SI: variants seen among roughly 807,000 people sequenced by gnomAD.
SI encodes the protein sucrase-isomaltase.
SI carries 235 observed loss-of-function variants against 253.3 expected under a neutral mutation model. The observed-to-expected ratio is 0.93, with a 90% CI of 0.83 to 1.03. The LOEUF is 1.03. Among genes scored for constraint, SI ranks in the 50% least tolerant of loss-of-function variants. The pLI is 0.00. For synonymous variants in SI, 819 were observed against 712.0 expected (o/e 1.15, Z -2.39); for missense variants, 2,442 against 2,211.1 (o/e 1.10, Z -2.09).
In SI at chr3:165,017,675, T is replaced by A; in HGVS notation, c.3634-2A>T. ...TGGCATGACTGGATGGCCAATTACC[T>A]TTAAAAAAAATTCATGTGTGAACTA... On this transcript the variant is annotated splice_acceptor_variant, in intron 30 of 47. Coordinates refer to ENST00000264382, the MANE Select transcript of SI (RefSeq NM_001041.4). LOFTEE classifies it high-confidence loss of function. 1.2e-6 allele frequency: 2 copies of A among 1,612,404 alleles called. No homozygotes were observed. The highest frequency in any genetic ancestry group is 1.7e-6 in the Non-Finnish European group (2 of 1,178,872).
At chr3:165,022,582 C>T (rs1390141945) in intron 26 of SI, among the ~76,000 whole-genome samples, 1 of 141,162 alleles carries the variant, frequency 7.1e-6, no homozygotes, top group African/African-American at 2.6e-5. Flanking sequence ...ATCTTCTATG[C>T]TTTTGTGCCA....
At chr3:164,996,364 G>A (rs182050323) in intron 40 of SI, among the ~76,000 whole-genome samples, 171 bp downstream of exon 40, 1 of 151,622 alleles carries the variant, frequency 6.6e-6, no homozygotes, top group East Asian at 1.9e-4. Context: ...ATAATTTTTA[G>A]TAATGTCTCC....
intron 13 of SI, among the ~76,000 whole-genome samples, chr3:165,053,466 G>A (rs988734026): frequency 6.6e-6 from 1 of 152,156 alleles, no homozygotes; most frequent in Non-Finnish European, 1.5e-5. Flanking sequence ...GATATGGCAA[G>A]TAGATAAGTA....
At chr3:164,983,207 T>C (rs193008134) in intron 45 of SI, among the ~76,000 whole-genome samples, 156 bp from the exon 46 acceptor site, 54 of 152,322 alleles carry the variant, frequency 3.5e-4, no homozygotes, top group African/African-American at 1.3e-3. Flanking sequence ...CTAATTCAGA[T>C]ACAATCCAAG....
chr3:165,021,094 G>A, intron 27 of SI, 135 bp downstream of exon 27: 1 of 718,866 alleles, frequency 1.4e-6, no homozygotes, highest in South Asian at 1.7e-5. Flanking sequence ...ATTAAAATGG[G>A]CAAAGTTATT....
At position 164,982,313 on chromosome 3, in the gene SI, A is replaced by G. The variant is rs780754876; in HGVS notation, c.5345T>C (p.Val1782Ala). ...GTTATACGTTAGAGTAACTGCATTGACAGGAGTAGTTCCTTTCCCCCATAC... is the reference window on the plus strand; with the variant it reads ...GTTATACGTTAGAGTAACTGCATTGGCAGGAGTAGTTCCTTTCCCCCATAC... ...LHVWGKGTTP[V>A]NAVTLTYNGN... is the part of the protein sequence containing the mutation. The change falls in exon 47 of 48, where the codon GTC becomes GCC. Residue 1782 changes from valine to alanine, a missense_variant. By Grantham distance (64) the Val-to-Ala change is moderately conservative. Coordinates refer to ENST00000264382, the MANE Select transcript of SI (RefSeq NM_001041.4). 22 of 1,613,156 alleles carry G rather than the reference A, an allele frequency of 1.4e-5. No homozygotes were observed. Among genetic ancestry groups the G allele is most frequent in the Non-Finnish European group, 1.7e-5 (20 of 1,179,426 alleles).
the SI span, among the ~76,000 whole-genome samples, chr3:165,084,320 G>C: frequency 6.6e-6 from 1 of 152,002 alleles, no homozygotes; most frequent in Non-Finnish European, 1.5e-5. Context: ...CACCAAGTTT[G>C]TGGTATTTTG....
intron 16 of SI, among the ~76,000 whole-genome samples, chr3:165,043,409 G>C (rs969391321): frequency 6.6e-6 from 1 of 151,142 alleles, no homozygotes; most frequent in Non-Finnish European, 1.5e-5. Flanking sequence ...TTATCCTTTT[G>C]TATTTACATT....
At chr3:165,004,318 T>C (rs1455024924) in intron 37 of SI, among the ~76,000 whole-genome samples, 1 of 152,156 alleles carries the variant, frequency 6.6e-6, no homozygotes, top group East Asian at 1.9e-4. Flanking sequence ...GTTGAAGCTG[T>C]GGAGAAAAGG....
upstream of SI, among the ~76,000 whole-genome samples, chr3:165,080,931 GA>G (rs937978582): frequency 5.9e-4 from 88 of 148,614 alleles, no homozygotes; most frequent in East Asian, 2.6e-3. Flanking sequence ...GAAACAGACA[GA>G]AAAAAAAAAC....
intron 21 of SI, 73 bp downstream of exon 21, chr3:165,037,827 A>T: frequency 9.1e-7 from 1 of 1,097,298 alleles, no homozygotes; most frequent in South Asian, 1.3e-5. Context: ...ATTATCTCTA[A>T]TTCTTAATGC....
At chr3:164,987,322 G>T in intron 44 of SI, 96 bp from the exon 45 acceptor site, 1 of 976,672 alleles carries the variant, frequency 1.0e-6, no homozygotes, top group Non-Finnish European at 1.6e-6. Context: ...AGGAACCCAA[G>T]CATTAAGGAG....
At chr3:165,076,907 T>TA (rs932377495) in intron 1 of SI, among the ~76,000 whole-genome samples, 55 of 151,460 alleles carry the variant, frequency 3.6e-4, no homozygotes, top group African/African-American at 1.2e-3. Flanking sequence ...TTCAAAGACA[T>TA]ATACCAAAGT....
chr3:165,041,922 G>A (rs1167125283), intron 17 of SI, among the ~76,000 whole-genome samples: 1 of 151,944 alleles, frequency 6.6e-6, no homozygotes, highest in Non-Finnish European at 1.5e-5. Context: ...AAGGTCAGTG[G>A]TCAACTTTCC....
chr3:165,073,690 G>A (rs1403265925), intron 3 of SI, among the ~76,000 whole-genome samples: 4 of 151,936 alleles, frequency 2.6e-5, no homozygotes, highest in Non-Finnish European at 4.4e-5. Flanking sequence ...ACAACAAACT[G>A]TGGATCAAAA....
At chr3:165,037,392 G>A (rs1478645092) in intron 21 of SI, among the ~76,000 whole-genome samples, 1 of 151,818 alleles carries the variant, frequency 6.6e-6, no homozygotes, top group African/African-American at 2.4e-5. Flanking sequence ...GCATTTTCAA[G>A]TTTCTTTTAT....
intron 34 of SI, among the ~76,000 whole-genome samples, chr3:165,011,776 T>A (rs1233668532): frequency 3.4e-5 from 5 of 148,750 alleles, no homozygotes; most frequent in Non-Finnish European, 7.4e-5. Context: ...ATTTATTATT[T>A]ATTATTATTA....
rs574552408 is a variant in SI, at chr3:165,007,975, A to C, written c.4203T>G (p.Phe1401Leu). ...LWIDMNEPSS[F>L]VNGTTTNQCR... Reference sequence around the variant, plus strand: ...ATTGATTAGTAGTTGTTCCATTTACAAAACTTGATGGCTCATTCATATCCT... The same window carrying C: ...ATTGATTAGTAGTTGTTCCATTTACCAAACTTGATGGCTCATTCATATCCT... The change falls in exon 36 of 48, where the codon TTT (phenylalanine) becomes TTG (leucine). Residue 1401 changes from phenylalanine (F) to leucine (L), a missense_variant. Transcript: ENST00000264382. 4.1e-5 allele frequency: 65 copies of C among 1,588,332 alleles called. No homozygotes were observed. In the East Asian group the frequency reaches 1.1e-3, roughly 26 times the overall value.
chr3:165,074,507 A>G, intron 3 of SI, 24 bp downstream of exon 3: 1 of 1,521,816 alleles, frequency 6.6e-7, no homozygotes, highest in Non-Finnish European at 9.0e-7. Context: ...TTCATTAAAA[A>G]TATTAAAGAC....
Sources: gnomAD v4.1 joint callset for allele counts (sites outside exome capture counted in the v4.1 genomes callset) on GRCh38, gnomAD v4.1.1 for gene constraint, MANE v1.5 for transcripts, NCBI Gene and HGNC (gene_info 2026-07-23, HGNC 2026-07-21) for gene names.